UBE3C: variants seen among roughly 807,000 people sequenced by gnomAD.
UBE3C encodes the protein ubiquitin-protein ligase E3C.
A neutral mutation model predicts 129.4 loss-of-function variants in UBE3C; 42 were observed. The observed-to-expected ratio is 0.32, with a 90% confidence interval of 0.25 to 0.42. The LOEUF (loss-of-function observed/expected upper bound fraction) is 0.42, where lower values mean the gene tolerates loss of function less well. Among genes scored for constraint, UBE3C ranks in the 10% least tolerant of loss-of-function variants. UBE3C has a pLI of 1.00. For synonymous variants in UBE3C, 510 were observed against 492.4 expected (o/e 1.04, Z -0.47); for missense variants, 1,049 against 1,319.1 (o/e 0.80, Z 3.17).
At chr7:157,202,423 G>A (rs1315068558) in intron 11 of UBE3C, among the ~76,000 whole-genome samples, 3 of 152,194 alleles carry the variant, frequency 2.0e-5, no homozygotes, top group Admixed American at 6.5e-5. Flanking sequence ...TTGGGAGGCC[G>A]AGGCCAGCGG....
chr7:157,192,518 G>C lies in UBE3C; in HGVS notation c.1331+5497G>C. ...ACTGATCTTTGCTGGCAAGCAACTG[G>C]AAGATGGATGTACTGTCTGACTACA... On this transcript the variant is annotated intron_variant, in intron 10 of 22. Transcript: ENST00000348165. The C allele has an allele frequency of 7.9e-6, 6 of 762,136 alleles. 1 individual carries two copies. The South Asian group carries it at 8.1e-5, about 10-fold the overall frequency. 47.2% of individuals were successfully genotyped at this position (762,136 alleles called of 1,614,324 possible).
rs200097530 is a variant in UBE3C, at chr7:157,261,146, CA to C, written c.3081+4112del. ...GATGAAACCCCGCCTCTACTAAATA[CA>C]AAAAAAAAATCAGCCGGGCATGGTG... On this transcript the variant is annotated intron_variant, in intron 22 of 22. Transcript: ENST00000348165. 2.4e-3 allele frequency among the ~76,000 whole-genome samples: 360 copies of C among 147,074 alleles called. 1 individual carries two copies. Among genetic ancestry groups the C allele is most frequent in the African/African-American group, 7.7e-3 (309 of 40,276 alleles).
chr7:157,233,806 A>G (rs1341016620), intron 18 of UBE3C, among the ~76,000 whole-genome samples: 1 of 152,236 alleles, frequency 6.6e-6, no homozygotes, highest in African/African-American at 2.4e-5. Context: ...AACCTTTTAC[A>G]ATCCCACCAA....
At chr7:157,242,594 G>A (rs947246568) in intron 18 of UBE3C, among the ~76,000 whole-genome samples, 2 of 143,848 alleles carry the variant, frequency 1.4e-5, no homozygotes, top group Non-Finnish European at 3.0e-5. Context: ...ATGCTCAGAT[G>A]TTTGCTTCTT....
At chr7:157,143,107 T>TGG (rs2116782894) in intron 1 of UBE3C, among the ~76,000 whole-genome samples, 1 of 152,222 alleles carries the variant, frequency 6.6e-6, no homozygotes, top group South Asian at 2.1e-4. Context: ...CCTCAGGTGA[T>TGG]CCGCCTGCCT....
intron 1 of UBE3C, among the ~76,000 whole-genome samples, chr7:157,143,075 C>A (rs1286517878): frequency 1.3e-5 from 2 of 152,076 alleles, no homozygotes; most frequent in African/African-American, 4.8e-5. Context: ...CCATGTCGGT[C>A]GGGCGGGTCT....
chr7:157,160,080 CT>C (rs1204513683), intron 1 of UBE3C, among the ~76,000 whole-genome samples: 5 of 143,228 alleles, frequency 3.5e-5, no homozygotes, highest in Admixed American at 1.4e-4. Context: ...TTTTTTTTTT[CT>C]TTTTTTTTTC....
chr7:157,149,728 G>A (rs928855742), intron 1 of UBE3C, among the ~76,000 whole-genome samples: 1 of 152,148 alleles, frequency 6.6e-6, no homozygotes, highest in East Asian at 1.9e-4. Context: ...CCATAGAATA[G>A]CCTCAAAAGA....
At chr7:157,149,639 G>T (rs150010532) in intron 1 of UBE3C, among the ~76,000 whole-genome samples, 49 of 152,286 alleles carry the variant, frequency 3.2e-4, no homozygotes, top group African/African-American at 1.1e-3. Flanking sequence ...ACTTGAATGT[G>T]TGCTGATTTT....
chr7:157,243,114 C>T (rs952827858), intron 18 of UBE3C, among the ~76,000 whole-genome samples: 4 of 152,236 alleles, frequency 2.6e-5, no homozygotes, highest in Non-Finnish European at 4.4e-5. Flanking sequence ...GTGGCTCGAT[C>T]GCTGGAAGCC....
intron 2 of UBE3C, among the ~76,000 whole-genome samples, chr7:157,164,768 T>TA (rs1304421967): frequency 1.3e-5 from 2 of 152,156 alleles, no homozygotes; most frequent in African/African-American, 4.8e-5. Context: ...GGTATACAGA[T>TA]AGTGAATAAG....
At chr7:157,177,737 G>A (rs1808558940) in intron 5 of UBE3C, among the ~76,000 whole-genome samples, 2 of 152,130 alleles carry the variant, frequency 1.3e-5, no homozygotes, top group Non-Finnish European at 2.9e-5. Flanking sequence ...TGGGCTTTGC[G>A]GCTGTTGAGA....
At chr7:157,140,333 G>T (rs933028363) in intron 1 of UBE3C, among the ~76,000 whole-genome samples, 1 of 152,186 alleles carries the variant, frequency 6.6e-6, no homozygotes, top group African/African-American at 2.4e-5. Flanking sequence ...GTGCTGTGGG[G>T]CTGTGTTTGG....
At chr7:157,152,730 G>T (rs761984719) in intron 1 of UBE3C, among the ~76,000 whole-genome samples, 1 of 152,028 alleles carries the variant, frequency 6.6e-6, no homozygotes, top group Admixed American at 6.6e-5. Context: ...CCTCTCCCTC[G>T]TGTCTGGGCA....
At chr7:157,258,380 G>C (rs763281516) in intron 22 of UBE3C, among the ~76,000 whole-genome samples, 1 of 152,234 alleles carries the variant, frequency 6.6e-6, no homozygotes, top group Non-Finnish European at 1.5e-5. Context: ...GGGCAATGTA[G>C]TAGCGAGATC....
At chr7:157,225,330 AT>A (rs1219740943) in intron 16 of UBE3C, 76 bp from the exon 17 acceptor site, 10 of 1,507,572 alleles carry the variant, frequency 6.6e-6, no homozygotes, top group Middle Eastern at 1.8e-4. Context: ...AAAAGATAAG[AT>A]TTAGCAGTTT....
intron 13 of UBE3C, among the ~76,000 whole-genome samples, chr7:157,212,148 A>G (rs1809612844): frequency 6.6e-6 from 1 of 151,966 alleles, no homozygotes; most frequent in African/African-American, 2.4e-5. Flanking sequence ...TATGCTTTGT[A>G]TTTTGCTTTT....
chr7:157,253,906 A>G (rs375811001), intron 19 of UBE3C, 48 bp from the exon 20 acceptor site: 76 of 1,492,792 alleles, frequency 5.1e-5, no homozygotes, highest in Non-Finnish European at 6.1e-5. Flanking sequence ...TTTTTAACCT[A>G]TTATCATACT....
At chr7:157,170,232 T>C (rs1333861286) in intron 3 of UBE3C, 72 bp from the exon 4 acceptor site, 1 of 1,291,312 alleles carries the variant, frequency 7.7e-7, no homozygotes, top group East Asian at 2.8e-5. Context: ...CACAGCAACG[T>C]ATATTTACAT....
Sources: gnomAD v4.1 joint callset for allele counts (sites outside exome capture counted in the v4.1 genomes callset) on GRCh38, gnomAD v4.1.1 for gene constraint, MANE v1.5 for transcripts, NCBI Gene and HGNC (gene_info 2026-07-23, HGNC 2026-07-21) for gene names.